KDR: variants seen among roughly 807,000 people sequenced by gnomAD.
KDR encodes vascular endothelial growth factor receptor 2.
KDR carries 43 observed loss-of-function variants against 160.9 expected under a neutral mutation model. The ratio of observed to expected loss-of-function variants is 0.27; its 90% CI spans 0.21 to 0.34. The LOEUF (loss-of-function observed/expected upper bound fraction) is 0.34. KDR is among the 10% of genes least tolerant of loss of function. The pLI, the probability that KDR is intolerant of heterozygous loss-of-function variation, is 1.00. For missense variants in KDR, 1,469 were observed against 1,666.4 expected (o/e 0.88, Z 2.06); for synonymous variants, 617 against 600.1 (o/e 1.03, Z -0.41).
intron 2 of KDR, among the ~76,000 whole-genome samples, chr4:55,120,047 G>A (rs1264147762): frequency 6.6e-6 from 1 of 152,118 alleles, no homozygotes; most frequent in Admixed American, 6.5e-5. Context: ...TCGAGGGTCG[G>A]TAAAAGGAAA....
rs1721006859 is a variant in KDR at position 55,125,392 on chromosome 4, AC to A, written c.-100del. On this transcript the variant is annotated 5_prime_UTR_variant, in exon 1 of 30. It removes the in-frame stop codon of an upstream open reading frame in the 5' UTR. Coordinates refer to ENST00000263923, the MANE Select transcript of KDR (RefSeq NM_002253.4). ...GAGGCGCGGAGGTGGAACTCGCGGC[AC>A]CCCGCAGCGCAGGACAGTTGAGCGC... The A allele has an allele frequency of 7.0e-7, 1 of 1,424,744 alleles. No individual in the cohort carries two copies. The highest frequency in any genetic ancestry group is 9.6e-7 in the Non-Finnish European group (1 of 1,042,988). The allele number at this position is 1,424,744 out of a possible 1,614,324, so 88.3% of individuals were successfully genotyped here.
At chr4:55,082,706 A>G in intron 27 of KDR, 71 bp from the exon 28 acceptor site, 3 of 1,116,956 alleles carry the variant, frequency 2.7e-6, no homozygotes, top group African/African-American at 1.5e-5. Context: ...TAAGTTCATT[A>G]TCTTTCAACC....
intron 13 of KDR, among the ~76,000 whole-genome samples, chr4:55,104,347 T>C (rs747727349): frequency 2.0e-4 from 31 of 152,184 alleles, no homozygotes; most frequent in Non-Finnish European, 3.5e-4. Flanking sequence ...CACAAATATT[T>C]GTCTATTTAA....
At chr4:55,098,031 TAA>T (rs1444471717) in intron 17 of KDR, 104 bp downstream of exon 17, 1 of 1,435,872 alleles carries the variant, frequency 7.0e-7, no homozygotes, top group African/African-American at 1.4e-5. Flanking sequence ...TTAATATTTC[TAA>T]ACCAGAATCC....
intron 1 of KDR, among the ~76,000 whole-genome samples, chr4:55,121,777 G>T (rs186342876): frequency 6.6e-6 from 1 of 152,274 alleles, no homozygotes; most frequent in African/African-American, 2.4e-5. Context: ...GAGAGAAACT[G>T]AGGAAGAGAA....
rs767542615 is a variant in KDR, at chr4:55,090,054, G to A, written c.3094C>T (p.Arg1032Ter). 6.2e-7 allele frequency: 1 copy of A among 1,613,986 alleles called. No homozygotes were observed. Among genetic ancestry groups the A allele is most frequent in the African/African-American group, 1.3e-5 (1 of 75,020 alleles). ...RKCIHRDLAA[R>*]NILLSEKNVV... is the part of the protein sequence containing the mutation. ...TTCTTCTCCGATAAGAGGATATTTC[G>A]TGCCGCCAGGTCCCTGTGGATACAC... is the stretch of plus-strand genomic sequence containing the variant. Residue 1032 changes from arginine to a stop codon, truncating the protein, a stop_gained, in exon 23 of 30, where the codon CGA (arginine) becomes TGA (stop). Transcript: ENST00000263923. LOFTEE classifies it high-confidence loss of function.
intron 29 of KDR, 72 bp downstream of exon 29, chr4:55,081,884 T>TA: frequency 3.8e-6 from 4 of 1,041,890 alleles, no homozygotes; most frequent in Non-Finnish European, 3.0e-6. Context: ...ATTCTGCACT[T>TA]ACACTGAAAG....
rs747362899 is a variant in KDR, at chr4:55,101,969, C to G, written c.2194G>C (p.Glu732Gln). ...LTIRRVRKED[E>Q]GLYTCQACSV... ...CATGCCTGGCAGGTGTAGAGGCCTT[C>G]GTCCTCCTTCCTCACTCTGCGGATA... The change falls in exon 15 of 30, where the codon GAA becomes CAA. Residue 732 changes from glutamate (E) to glutamine (Q), a missense_variant. By Grantham distance (29) the Glu-to-Gln change is conservative (BLOSUM62 2). Coordinates refer to ENST00000263923, the MANE Select transcript of KDR (RefSeq NM_002253.4). 1 of 1,613,722 alleles carries G rather than the reference C, an allele frequency of 6.2e-7. No homozygotes were observed. The highest frequency in any genetic ancestry group is 1.1e-5 in the South Asian group (1 of 91,078).
intron 1 of KDR, among the ~76,000 whole-genome samples, chr4:55,121,569 C>T (rs1268369393): frequency 6.6e-6 from 1 of 152,240 alleles, no homozygotes; most frequent in Non-Finnish European, 1.5e-5. Context: ...ATAGGATGTA[C>T]ACATTTGACT....
Position 55,082,726 on chromosome 4 carries a change from A to C in KDR, c.3663-91T>G, listed in dbSNP as rs985560183. 5.6e-6 allele frequency: 5 copies of C among 896,890 alleles called. No individual in the cohort carries two copies. The African/African-American group carries it at 8.3e-5, about 15-fold the overall frequency. The allele number at this position is 896,890 out of a possible 1,614,324, so 55.6% of individuals were successfully genotyped here. A position where few individuals can be genotyped will look rare whatever the true frequency, so the allele number is the denominator to read the frequency against. On this transcript the variant is annotated intron_variant, in intron 27 of 29. Transcript: ENST00000263923. ...TCATTATCTTTCAACCACAAACTTAATAGCAACCTTCAAAACATCCTTTAG... is the reference window on the plus strand; with the variant it reads ...TCATTATCTTTCAACCACAAACTTACTAGCAACCTTCAAAACATCCTTTAG...
At chr4:55,106,027 C>G in intron 11 of KDR, 87 bp from the exon 12 acceptor site, 1 of 840,754 alleles carries the variant, frequency 1.2e-6, no homozygotes, top group Non-Finnish European at 2.1e-6. Context: ...CACAATCACT[C>G]CAACCTGCCT....
intron 12 of KDR, 127 bp from the exon 13 acceptor site, chr4:55,105,111 C>G (rs1720411357): frequency 1.3e-6 from 1 of 778,104 alleles, no homozygotes; most frequent in Non-Finnish European, 2.2e-6. Flanking sequence ...AGGTGATGTA[C>G]TACAACTTGA....
At chr4:55,117,121 G>T (rs77406707) in intron 3 of KDR, among the ~76,000 whole-genome samples, 1 of 152,064 alleles carries the variant, frequency 6.6e-6, no homozygotes, top group Non-Finnish European at 1.5e-5. Context: ...ACCCTTTGAC[G>T]TAAGACTAAA....
chr4:55,123,704 C>T (rs1380058), intron 1 of KDR, among the ~76,000 whole-genome samples: 152,343 of 152,352 alleles, frequency 1, 76,167 homozygotes, highest in Middle Eastern at 1. Flanking sequence ...AAGAGGTACA[C>T]ATGCTACTAC....
intron 6 of KDR, 151 bp from the exon 7 acceptor site, chr4:55,113,632 C>T: frequency 1.5e-6 from 1 of 687,600 alleles, no homozygotes; most frequent in Non-Finnish European, 2.5e-6. Flanking sequence ...ATGCAGACAA[C>T]AAATATATTT....
chr4:55,098,666 T>C, intron 16 of KDR, 31 bp downstream of exon 16: 1 of 1,511,546 alleles, frequency 6.6e-7, no homozygotes, highest in Non-Finnish European at 9.2e-7. Context: ...AAAACCAATG[T>C]GCATGGGCAG....
rs766287288 is a variant in KDR at position 55,110,579 on chromosome 4, A to G, written c.1092-13T>C. On this transcript the variant is annotated splice_polypyrimidine_tract_variant and intron_variant, in intron 8 of 29. Coordinates refer to ENST00000263923, the MANE Select transcript of KDR (RefSeq NM_002253.4). Reference sequence around the variant, plus strand: ...TCCATTTTTATACCTATGAAAAAAAATTCTCAGGAATTAGTATAGTCAAAG... The same window carrying G: ...TCCATTTTTATACCTATGAAAAAAAGTTCTCAGGAATTAGTATAGTCAAAG... The G allele has an allele frequency of 1.9e-5, 30 of 1,613,704 alleles. No individual in the cohort carries two copies. Among genetic ancestry groups the G allele is most frequent in the South Asian group, 3.3e-5 (3 of 91,076 alleles).
intron 9 of KDR, 151 bp downstream of exon 9, chr4:55,110,252 T>G: frequency 1.2e-6 from 1 of 805,678 alleles, no homozygotes; most frequent in Non-Finnish European, 2.1e-6. Flanking sequence ...TACGTTTCAC[T>G]TCAGCTTCAC....
At position 55,110,439 on chromosome 4, in the gene KDR, C is replaced by T. The variant is rs1578137075; in HGVS notation, c.1219G>A (p.Glu407Lys). 1.2e-6 allele frequency: 2 copies of T among 1,614,070 alleles called. No individual in the cohort carries two copies. Among genetic ancestry groups the T allele is most frequent in the African/African-American group, 1.3e-5 (1 of 75,026 alleles). ...AGAGAGACCACATGGCTCTGCTTCT[C>T]CTTTGAAATGGGATTGGTAAGGATG... is the stretch of plus-strand genomic sequence containing the variant. ...TVILTNPISKEKQSHVVSLVV... is the reference protein window; with the variant it reads ...TVILTNPISKKKQSHVVSLVV... Residue 407 changes from glutamate (E) to lysine (K), a missense_variant, in exon 9 of 30, where the codon GAG (glutamate) becomes AAG (lysine). By Grantham distance (56) the Glu-to-Lys change is moderately conservative. Transcript: ENST00000263923.
Sources: gnomAD v4.1 joint callset for allele counts (sites outside exome capture counted in the v4.1 genomes callset) on GRCh38, gnomAD v4.1.1 for gene constraint, MANE v1.5 for transcripts, NCBI Gene and HGNC (gene_info 2026-07-23, HGNC 2026-07-21) for gene names.